Variants in LSAMP observed in about 807,000 individuals in gnomAD.
LSAMP encodes limbic system associated membrane protein.
A neutral mutation model predicts 38.6 loss-of-function variants in LSAMP; 7 were observed. That is an observed-to-expected ratio of 0.18 (90% CI 0.10 to 0.34). The LOEUF (loss-of-function observed/expected upper bound fraction) is 0.34. LSAMP is among the 10% of genes least tolerant of loss of function. The pLI, the probability that LSAMP is intolerant of heterozygous loss-of-function variation, is 1.00. For synonymous variants in LSAMP, 154 were observed against 166.8 expected (o/e 0.92, Z 0.59); for missense variants, 313 against 420.0 (o/e 0.75, Z 2.23).
chr3:116,051,763 G>T (rs963168682), intron 2 of LSAMP, among the ~76,000 whole-genome samples: 50 of 152,198 alleles, frequency 3.3e-4, no homozygotes, highest in African/African-American at 1.2e-3. Flanking sequence ...AGCGATGAGG[G>T]CCTCTCTTGT....
rs148341584 is a variant in LSAMP at position 116,279,412 on chromosome 3, C to T, written c.155+165465G>A. Among the ~76,000 whole-genome samples the T allele has an allele frequency of 1.9e-3, 282 of 152,296 alleles. 3 individuals carry two copies. Among genetic ancestry groups the T allele is most frequent in the African/African-American group, 6.6e-3 (273 of 41,564 alleles). Reference sequence around the variant, plus strand: ...CTTTCTTGGCTGTCCAGAAAGTATACTTCTCTCCTTGTATAAACATCACAT... The same window carrying T: ...CTTTCTTGGCTGTCCAGAAAGTATATTTCTCTCCTTGTATAAACATCACAT... On this transcript the variant is annotated intron_variant, in intron 1 of 6. Transcript: ENST00000490035.
intron 3 of LSAMP, among the ~76,000 whole-genome samples, chr3:115,871,734 GTTAC>G (rs1265643803): frequency 1.3e-5 from 2 of 151,876 alleles, no homozygotes; most frequent in Non-Finnish European, 2.9e-5. Context: ...ACTTTCCTTG[GTTAC>G]TTTTGAAGCT....
intron 1 of LSAMP, among the ~76,000 whole-genome samples, chr3:116,331,203 C>A (rs900620745): frequency 4.0e-5 from 6 of 151,876 alleles, no homozygotes; most frequent in African/African-American, 7.3e-5. Flanking sequence ...AACTATCAAG[C>A]CTGAGGAATA....
At chr3:116,103,246 A>G (rs1708386736) in intron 1 of LSAMP, among the ~76,000 whole-genome samples, 1 of 152,100 alleles carries the variant, frequency 6.6e-6, no homozygotes, top group African/African-American at 2.4e-5. Context: ...TGGGCAGATC[A>G]CTTGAGGCCA....
chr3:116,124,686 T>C (rs1449698162), intron 1 of LSAMP, among the ~76,000 whole-genome samples: 1 of 152,118 alleles, frequency 6.6e-6, no homozygotes, highest in African/African-American at 2.4e-5. Flanking sequence ...ATATTCTCCA[T>C]TAAACTTTAA....
chr3:116,369,894 A>C (rs1246393667), intron 1 of LSAMP: 1 of 152,612 alleles, frequency 6.6e-6, no homozygotes, highest in Non-Finnish European at 1.5e-5. Context: ...GGCAGCAAGA[A>C]GGCAAAAATT....
At chr3:116,226,037 A>T (rs1420493621) in intron 1 of LSAMP, among the ~76,000 whole-genome samples, 1 of 152,272 alleles carries the variant, frequency 6.6e-6, no homozygotes, top group South Asian at 2.1e-4. Flanking sequence ...GTACCTCCTC[A>T]AATCTTCCTT....
intron 1 of LSAMP, among the ~76,000 whole-genome samples, chr3:116,410,221 C>T (rs894446307): frequency 6.7e-6 from 1 of 149,734 alleles, no homozygotes; most frequent in Non-Finnish European, 1.5e-5. Flanking sequence ...ACAGTTATAC[C>T]GAATAGGGGG....
At position 115,886,500 on chromosome 3, in the gene LSAMP, A is replaced by G. The variant is rs141734889; in HGVS notation, c.515-33883T>C. 6.5e-4 allele frequency among the ~76,000 whole-genome samples: 99 copies of G among 152,078 alleles called. 1 individual carries two copies. The East Asian group carries it at 0.017, about 27-fold the overall frequency. Reference sequence around the variant, plus strand: ...AGTTGAAAGAATCTACATCCAAGCAAATGAAGTTCCAAAATTCCAAAACTC... The same window carrying G: ...AGTTGAAAGAATCTACATCCAAGCAGATGAAGTTCCAAAATTCCAAAACTC... On this transcript the variant is annotated intron_variant, in intron 3 of 6. Coordinates refer to ENST00000490035, the MANE Select transcript of LSAMP (RefSeq NM_002338.5).
intron 1 of LSAMP, among the ~76,000 whole-genome samples, chr3:116,241,620 T>C (rs1350061190): frequency 6.6e-6 from 1 of 152,164 alleles, no homozygotes; most frequent in Admixed American, 6.5e-5. Flanking sequence ...TTAGTATACT[T>C]TTCTTTATAT....
At chr3:116,071,585 AT>A (rs1707607407) in intron 2 of LSAMP, among the ~76,000 whole-genome samples, 1 of 151,996 alleles carries the variant, frequency 6.6e-6, no homozygotes, top group Non-Finnish European at 1.5e-5. Flanking sequence ...CTACCACTTC[AT>A]TTTTTTCTTC....
chr3:116,090,631 A>C (rs1708100909), intron 1 of LSAMP, among the ~76,000 whole-genome samples: 1 of 152,200 alleles, frequency 6.6e-6, no homozygotes, highest in African/African-American at 2.4e-5. Context: ...TATTTTCCTA[A>C]GCGTCGGCTG....
At position 116,336,909 on chromosome 3, in the gene LSAMP, G is replaced by C. The variant is rs138028715; in HGVS notation, c.155+107968C>G. Among the ~76,000 whole-genome samples the C allele has an allele frequency of 3.0e-3, 448 of 151,410 alleles. 8 individuals carry two copies. The highest frequency in any genetic ancestry group is 0.02 in the Admixed American group (302 of 15,146). ...GCAATGCAAGTGTTCATTAAAAAAT[G>C]GATGGATAAGTCTAATATATACACT... On this transcript the variant is annotated intron_variant, in intron 1 of 6. Transcript: ENST00000490035.
chr3:116,109,557 C>G (rs538198231), intron 1 of LSAMP, among the ~76,000 whole-genome samples: 14 of 152,100 alleles, frequency 9.2e-5, no homozygotes, highest in Non-Finnish European at 1.8e-4. Context: ...ACCATTTGCT[C>G]ATTTTACAAC....
At chr3:116,401,455 T>A (rs1448542932) in intron 1 of LSAMP, among the ~76,000 whole-genome samples, 1 of 152,146 alleles carries the variant, frequency 6.6e-6, no homozygotes, top group Non-Finnish European at 1.5e-5. Context: ...CTAATCTTTG[T>A]ATAATTTGTA....
intron 3 of LSAMP, among the ~76,000 whole-genome samples, chr3:115,916,823 A>G (rs976381271): frequency 3.1e-4 from 47 of 152,154 alleles, no homozygotes; most frequent in African/African-American, 1.1e-3. Context: ...CTATCTCTCT[A>G]TCTCTGTCAC....
intron 3 of LSAMP, among the ~76,000 whole-genome samples, chr3:115,870,609 CTG>C (rs1936005433): frequency 6.6e-6 from 1 of 152,014 alleles, no homozygotes; most frequent in Non-Finnish European, 1.5e-5. Context: ...TTTTAACACT[CTG>C]GTGGTGATTT....
At chr3:115,832,222 A>G (rs1934635000) in intron 6 of LSAMP, among the ~76,000 whole-genome samples, 1 of 152,188 alleles carries the variant, frequency 6.6e-6, no homozygotes, top group African/African-American at 2.4e-5. Flanking sequence ...AAATTAGGAA[A>G]GAAAGTTTTC....
chr3:116,126,192 G>T (rs1045607388), intron 1 of LSAMP, among the ~76,000 whole-genome samples: 1 of 152,164 alleles, frequency 6.6e-6, no homozygotes, highest in African/African-American at 2.4e-5. Flanking sequence ...TAAAACATCT[G>T]GACCTCACAC....
Sources: allele counts gnomAD v4.1 joint callset (sites outside exome capture counted in the v4.1 genomes callset), GRCh38; gene constraint gnomAD v4.1.1; transcripts MANE v1.5; gene names NCBI Gene and HGNC (gene_info 2026-07-23, HGNC 2026-07-21).